Variants in PTPRT observed in about 807,000 individuals in gnomAD.
PTPRT encodes receptor-type tyrosine-protein phosphatase T.
A neutral mutation model predicts 176.8 loss-of-function variants in PTPRT; 56 were observed. That is an observed-to-expected ratio of 0.32 (90% CI 0.26 to 0.40). The LOEUF (loss-of-function observed/expected upper bound fraction) is 0.40, where lower values mean the gene tolerates loss of function less well. PTPRT is among the 10% of genes least tolerant of loss of function. The pLI is 1.00. For synonymous variants in PTPRT, 783 were observed against 739.0 expected, an observed-to-expected ratio of 1.06 and a Z score of -0.96; for missense variants, 1,540 against 1,908.2, an observed-to-expected ratio of 0.81 and a Z score of 3.60.
chr20:42,716,721 A>G (rs2076229248), intron 6 of PTPRT, among the ~76,000 whole-genome samples: 4 of 152,160 alleles, frequency 2.6e-5, no homozygotes, highest in Admixed American at 1.3e-4. Flanking sequence ...ATGCTGCTAT[A>G]AAGACACACG....
intron 18 of PTPRT, among the ~76,000 whole-genome samples, chr20:42,137,953 C>T (rs915775421): frequency 1.3e-5 from 2 of 152,212 alleles, no homozygotes; most frequent in Admixed American, 1.3e-4. Flanking sequence ...ATCCTGTGTG[C>T]CCGCAGACCC....
chr20:43,115,046 T>G (rs1461961961), intron 1 of PTPRT, among the ~76,000 whole-genome samples: 2 of 152,192 alleles, frequency 1.3e-5, no homozygotes, highest in Admixed American at 1.3e-4. Context: ...CGCCATTTCA[T>G]TGCATATATA....
In PTPRT at chr20:42,453,660, T is replaced by C. The variant is rs183218460; in HGVS notation, c.1451-5331A>G. ...AGGTACTATCCTGATTTTCCTTTTT[T>C]TTCTTTTTCTTTTCTTTTTTTTTTT... is the stretch of plus-strand genomic sequence containing the variant. On this transcript the variant is annotated intron_variant, in intron 8 of 30. Transcript: ENST00000373187. Among the ~76,000 whole-genome samples, 495 of 140,438 alleles carry C rather than the reference T, an allele frequency of 3.5e-3. 2 individuals are homozygous for C. Among genetic ancestry groups the C allele is most frequent in the African/African-American group, 0.013 (473 of 35,244 alleles). 92.1% of individuals were successfully genotyped at this position (140,438 alleles called of 152,430 possible). A position where few individuals can be genotyped will look rare whatever the true frequency, so the allele number is the denominator to read the frequency against.
chr20:43,162,802 T>TTTGAAGACAAAGAATGGAAG (rs2014734352), intron 1 of PTPRT, among the ~76,000 whole-genome samples: 1 of 126,712 alleles, frequency 7.9e-6, no homozygotes, highest in Non-Finnish European at 1.9e-5. Flanking sequence ...GCTGCTCTTC[T>TTTGAAGACAAAGAATGGAAG]GTCTGCTCCC....
chr20:42,823,391 G>C (rs1031798972), intron 2 of PTPRT, among the ~76,000 whole-genome samples: 1 of 152,100 alleles, frequency 6.6e-6, no homozygotes, highest in Non-Finnish European at 1.5e-5. Flanking sequence ...CTGTTGAGGG[G>C]TGGCAGGGTG....
intron 9 of PTPRT, among the ~76,000 whole-genome samples, chr20:42,370,233 C>T (rs2058569261): frequency 6.6e-6 from 1 of 152,178 alleles, no homozygotes; most frequent in African/African-American, 2.4e-5. Context: ...GGGAAACAGC[C>T]CAGGAAGCAG....
chr20:42,323,942 C>G (rs1358001700), intron 11 of PTPRT, among the ~76,000 whole-genome samples: 1 of 152,084 alleles, frequency 6.6e-6, no homozygotes, highest in African/African-American at 2.4e-5. Flanking sequence ...GGTACAGTCA[C>G]TCTGGGACAC....
chr20:42,631,206 G>C (rs1350219332), intron 7 of PTPRT, among the ~76,000 whole-genome samples: 1 of 152,140 alleles, frequency 6.6e-6, no homozygotes, highest in African/African-American at 2.4e-5. Context: ...TAACACTGGC[G>C]AGAGTGGGGT....
At chr20:42,354,877 C>T (rs2058336442) in intron 9 of PTPRT, among the ~76,000 whole-genome samples, 1 of 151,932 alleles carries the variant, frequency 6.6e-6, no homozygotes, top group African/African-American at 2.4e-5. Context: ...AGACGGTGCC[C>T]AGAGCAGAGT....
At chr20:42,752,576 G>A (rs1273722577) in intron 6 of PTPRT, among the ~76,000 whole-genome samples, 2 of 152,204 alleles carry the variant, frequency 1.3e-5, no homozygotes, top group Non-Finnish European at 2.9e-5. Context: ...TGTGGGTGAC[G>A]TCAGTCCAAG....
At chr20:42,187,365 A>G (rs188870353) in intron 16 of PTPRT, among the ~76,000 whole-genome samples, 2 of 152,268 alleles carry the variant, frequency 1.3e-5, no homozygotes, top group East Asian at 1.9e-4. Flanking sequence ...CTTTCCACCT[A>G]GTTAAGAGCA....
chr20:42,921,448 G>A (rs571444809), intron 1 of PTPRT, among the ~76,000 whole-genome samples: 14 of 152,204 alleles, frequency 9.2e-5, no homozygotes, highest in Middle Eastern at 6.8e-3. Context: ...AGCTGGGCAC[G>A]ATGGCATCCA....
At chr20:42,413,432 C>T (rs2059035728) in intron 9 of PTPRT, among the ~76,000 whole-genome samples, 1 of 152,038 alleles carries the variant, frequency 6.6e-6, no homozygotes, top group Admixed American at 6.6e-5. Context: ...TTTAGGAATT[C>T]CTTTTTAAAG....
chr20:42,085,983 T>C, intron 27 of PTPRT, 130 bp from the exon 28 acceptor site: 6 of 1,167,466 alleles, frequency 5.1e-6, no homozygotes, highest in Non-Finnish European at 7.0e-6. Context: ...GCATCACTCT[T>C]GTTGCCCAGC....
intron 1 of PTPRT, among the ~76,000 whole-genome samples, chr20:42,916,710 G>A (rs1978783310): frequency 6.6e-6 from 1 of 152,138 alleles, no homozygotes; most frequent in Non-Finnish European, 1.5e-5. Flanking sequence ...TTTCTCTGAT[G>A]GCCAGTGATG....
At chr20:42,103,270 TG>T (rs1986124210) in intron 25 of PTPRT, among the ~76,000 whole-genome samples, 1 of 152,188 alleles carries the variant, frequency 6.6e-6, no homozygotes, top group Non-Finnish European at 1.5e-5. Context: ...GGTGTGGATC[TG>T]GTATACCTGA....
chr20:42,149,430 T>TTTTC (rs1181381486), intron 17 of PTPRT, among the ~76,000 whole-genome samples: 2 of 151,816 alleles, frequency 1.3e-5, no homozygotes, highest in African/African-American at 4.9e-5. Flanking sequence ...GGATTTTTTT[T>TTTTC]TTTTTTTGAG....
chr20:42,168,559 C>T (rs759685018), intron 16 of PTPRT, among the ~76,000 whole-genome samples: 11 of 152,160 alleles, frequency 7.2e-5, no homozygotes, highest in Non-Finnish European at 1.6e-4. Context: ...GGGAAGAAAA[C>T]TTGTTTATTA....
chr20:42,921,882 A>T (rs371917139), intron 1 of PTPRT, among the ~76,000 whole-genome samples: 4 of 152,264 alleles, frequency 2.6e-5, no homozygotes, highest in South Asian at 2.1e-4. Context: ...GGTTAACAGC[A>T]TTGATGGCTC....
Sources: gnomAD v4.1 joint callset for allele counts (sites outside exome capture counted in the v4.1 genomes callset) on GRCh38, gnomAD v4.1.1 for gene constraint, MANE v1.5 for transcripts, NCBI Gene and HGNC (gene_info 2026-07-23, HGNC 2026-07-21) for gene names.